CD70: variants seen among roughly 807,000 people sequenced by gnomAD.
The protein encoded by CD70 is CD70 molecule, also known as CD70 antigen.
A neutral mutation model predicts 9.0 loss-of-function variants in CD70; 6 were observed. The observed-to-expected ratio is 0.67, with a 90% CI of 0.37 to 1.32. The LOEUF (loss-of-function observed/expected upper bound fraction) is 1.32. CD70 is among the 40% of genes most tolerant of loss of function. The probability of loss-of-function intolerance (pLI) is 0.02; values close to 1 mark genes in which losing one functional copy is unlikely to be tolerated. For synonymous variants in CD70, 108 were observed against 112.3 expected (o/e 0.96, Z 0.24); for missense variants, 235 against 258.7 (o/e 0.91, Z 0.63).
At chr19:6,589,093 G>T (rs112208858) in intron 2 of CD70, among the ~76,000 whole-genome samples, 104 of 150,568 alleles carry the variant, frequency 6.9e-4, no homozygotes, top group African/African-American at 2.5e-3. Context: ...AAACCTGCTC[G>T]CTCTCTCTCT....
intron 2 of CD70, 66 bp from the exon 3 acceptor site, chr19:6,586,471 T>G: frequency 6.8e-7 from 1 of 1,479,026 alleles, no homozygotes; most frequent in Non-Finnish European, 9.1e-7. Flanking sequence ...CAGGGGGTCA[T>G]AGAGAAAGTC....
At chr19:6,583,069 G>T, downstream of CD70, 1 of 374,956 alleles carries the variant, frequency 2.7e-6, no homozygotes. Context: ...TGGCGCATGG[G>T]TCTCATTTTC....
At chr19:6,589,852 C>T (rs1916114760) in intron 2 of CD70, among the ~76,000 whole-genome samples, 1 of 150,984 alleles carries the variant, frequency 6.6e-6, no homozygotes, top group East Asian at 1.9e-4. Flanking sequence ...TCTCCTGTCC[C>T]GTCTGTCCCC....
Position 6,590,472 on chromosome 19 carries a change from T to G in CD70, c.163-336A>C, listed in dbSNP as rs1429766120. Among the ~76,000 whole-genome samples, 1 of 151,910 alleles carries G rather than the reference T, an allele frequency of 6.6e-6. No individual in the cohort carries two copies. The highest frequency in any genetic ancestry group is 1.5e-5 in the Non-Finnish European group (1 of 67,954). On this transcript the variant is annotated intron_variant, in intron 1 of 2. Transcript: ENST00000245903. This position sits in a 1 kb window ranked among gnomAD's most constrained non-coding sequence, Gnocchi z 5.3. ...CCGGCGCGGTCCCCAAAGGGACCCC[T>G]CCCCCACCCGGAGCGAGTGGCTGGG... is the stretch of plus-strand genomic sequence containing the variant.
At chr19:6,583,682 C>G (rs1915961552), downstream of CD70, among the ~76,000 whole-genome samples, 1 of 151,602 alleles carries the variant, frequency 6.6e-6, no homozygotes, top group Admixed American at 6.6e-5. Context: ...TCTCAGCCTC[C>G]CTAGTAGCAT....
At chr19:6,587,248 G>A (rs553522685) in intron 2 of CD70, among the ~76,000 whole-genome samples, 78 of 150,020 alleles carry the variant, frequency 5.2e-4, no homozygotes, top group Non-Finnish European at 9.9e-4. Context: ...GAGAGCTTGA[G>A]GGAGAGTGCA....
chr19:6,585,744 G>A (rs528795561), downstream of CD70: 367 of 326,244 alleles, frequency 1.1e-3, no homozygotes, highest in Non-Finnish European at 1.7e-3. Context: ...GCGCAATCTC[G>A]GCTCACTGCA....
At chr19:6,587,995 G>C (rs1324089653) in intron 2 of CD70, among the ~76,000 whole-genome samples, 1 of 152,138 alleles carries the variant, frequency 6.6e-6, no homozygotes. Context: ...ATCACAGCCG[G>C]GAGCCAAGGT....
intron 2 of CD70, among the ~76,000 whole-genome samples, chr19:6,588,314 T>TGTGG (rs1916074413): frequency 2.0e-5 from 3 of 151,634 alleles, no homozygotes; most frequent in Non-Finnish European, 4.4e-5. Flanking sequence ...GCCCCATCGA[T>TGTGG]GTGGGGCTGG....
chr19:6,591,065 A>G lies in CD70; in HGVS notation c.-63T>C. ...ATGGGGGCGCGGAGCGCTGCCGAGAAGGAAGGAAGGAAACTGCAGCCCCCT... is the reference window on the plus strand; with the variant it reads ...ATGGGGGCGCGGAGCGCTGCCGAGAGGGAAGGAAGGAAACTGCAGCCCCCT... On this transcript the variant is annotated 5_prime_UTR_variant, in exon 1 of 3. Coordinates refer to ENST00000245903, the MANE Select transcript of CD70 (RefSeq NM_001252.5). 1.3e-6 allele frequency: 2 copies of G among 1,506,970 alleles called. No homozygotes were observed. The highest frequency in any genetic ancestry group is 2.6e-5 in the South Asian group (2 of 75,796). The allele number at this position is 1,506,970 out of a possible 1,614,324, so 93.3% of individuals were successfully genotyped here. A position where few individuals can be genotyped will look rare whatever the true frequency, so the allele number is the denominator to read the frequency against.
Position 6,590,986 on chromosome 19 carries a change from G to C in CD70, c.17C>G (p.Ser6Trp). Residue 6 changes from serine (S) to tryptophan (W), a missense_variant, in exon 1 of 3, where the codon TCG becomes TGG. Coordinates refer to ENST00000245903, the MANE Select transcript of CD70 (RefSeq NM_001252.5). This position sits in a 1 kb window ranked among gnomAD's most constrained non-coding sequence, Gnocchi z 5.3. The stretch of plus-strand genomic sequence containing the variant: ...GGGCCTGCGCCGCACCGAGCAGCCC[G>C]AACCCTCCTCCGGCATCGCCGCGGC... Reference protein sequence around the residue: MPEEGSGCSVRRRPYG... With the variant: MPEEGWGCSVRRRPYG... 1 of 1,603,490 alleles carries C rather than the reference G, an allele frequency of 6.2e-7. No individual in the cohort carries two copies. The highest frequency in any genetic ancestry group is 1.1e-5 in the South Asian group (1 of 90,134).
intron 2 of CD70, among the ~76,000 whole-genome samples, chr19:6,586,919 A>C (rs1486648419): frequency 1.3e-5 from 2 of 150,878 alleles, no homozygotes; most frequent in East Asian, 4.0e-4. Flanking sequence ...AAAAAAAAAA[A>C]AAACAGAAAC....
At chr19:6,585,814 A>G, downstream of CD70, 1 of 506,460 alleles carries the variant, frequency 2.0e-6, no homozygotes, top group Non-Finnish European at 3.5e-6. Flanking sequence ...AGCTGGGATT[A>G]CAGATGCACG....
At position 6,585,994 on chromosome 19, in the gene CD70, T is replaced by TA. The variant is rs747335292; in HGVS notation, c.*25dup. ...AACTTAAATAAAATAAAATAAAATT[T>TA]AAAAAACCCTAATCAGCAGCAGTGG... On this transcript the variant is annotated 3_prime_UTR_variant, in exon 3 of 3. Transcript: ENST00000245903. The TA allele has an allele frequency of 6.6e-7, 1 of 1,518,920 alleles. No individual in the cohort carries two copies. The highest frequency in any genetic ancestry group is 1.4e-5 in the African/African-American group (1 of 70,988). 94.1% of individuals were successfully genotyped at this position (1,518,920 alleles called of 1,614,324 possible).
chr19:6,587,447 A>C (rs1463107706), intron 2 of CD70, among the ~76,000 whole-genome samples: 2 of 151,866 alleles, frequency 1.3e-5, no homozygotes, highest in Non-Finnish European at 2.9e-5. Context: ...GATGAGAGCT[A>C]CAGAGCTCGA....
chr19:6,590,734 C>T lies in CD70; in HGVS notation c.162+107G>A. ...CGCCTCCCTGTTCTGGTCTCTGTCT[C>T]TGCCCTACCAGATCTTCCTCTCTGG... On this transcript the variant is annotated intron_variant, in intron 1 of 2. Coordinates refer to ENST00000245903, the MANE Select transcript of CD70 (RefSeq NM_001252.5). The surrounding 1 kb of genome is among the most constrained non-coding windows in gnomAD (Gnocchi z 5.3). The T allele has an allele frequency of 9.4e-7, 1 of 1,062,010 alleles. No homozygotes were observed. Among genetic ancestry groups the T allele is most frequent in the Non-Finnish European group, 1.4e-6 (1 of 711,242 alleles). The allele number at this position is 1,062,010 out of a possible 1,614,324, so 65.8% of individuals were successfully genotyped here. A position where few individuals can be genotyped will look rare whatever the true frequency, so the allele number is the denominator to read the frequency against.
In CD70 at chr19:6,588,507, G is replaced by C. The variant is rs1412453446; in HGVS notation, c.196+1596C>G. On this transcript the variant is annotated intron_variant, in intron 2 of 2. Transcript: ENST00000245903. ...AAGCGTGCAGTAATTTTAGTCTCTG[G>C]GGATGAACCGTGGAAAAACAGAAGA... Among the ~76,000 whole-genome samples, 3 of 152,296 alleles carry C rather than the reference G, an allele frequency of 2.0e-5. No homozygotes were observed. In the East Asian group the frequency reaches 5.8e-4, roughly 29 times the overall value.
In CD70 at chr19:6,586,186, C is replaced by T; in HGVS notation, c.416G>A (p.Ser139Asn). Reference sequence around the variant, plus strand: ...GAAGCTGAGACGCAGCAGGCTGATGCTACGGGAGGCGGGAGAGCAGATTCC... The same window carrying T: ...GAAGCTGAGACGCAGCAGGCTGATGTTACGGGAGGCGGGAGAGCAGATTCC... ...AVGICSPASR[S>N]ISLLRLSFHQ... Residue 139 changes from serine to asparagine, a missense_variant, in exon 3 of 3, where the codon AGC becomes AAC. Coordinates refer to ENST00000245903, the MANE Select transcript of CD70 (RefSeq NM_001252.5). 6.2e-7 allele frequency: 1 copy of T among 1,614,118 alleles called. No individual in the cohort carries two copies. The highest frequency in any genetic ancestry group is 1.3e-5 in the African/African-American group (1 of 75,036).
At position 6,588,954 on chromosome 19, in the gene CD70, G is replaced by A. The variant is rs1465435220; in HGVS notation, c.196+1149C>T. 2.0e-5 allele frequency among the ~76,000 whole-genome samples: 3 copies of A among 152,184 alleles called. No homozygotes were observed. The East Asian group carries it at 5.8e-4, about 29-fold the overall frequency. ...AATTAGTGCTTGTAGCATGAATGGAGGAAGGGTAGCCTTTCCTGTGAGCGT... is the reference window on the plus strand; with the variant it reads ...AATTAGTGCTTGTAGCATGAATGGAAGAAGGGTAGCCTTTCCTGTGAGCGT... On this transcript the variant is annotated intron_variant, in intron 2 of 2. Coordinates refer to ENST00000245903, the MANE Select transcript of CD70 (RefSeq NM_001252.5).
Sources: allele counts gnomAD v4.1 joint callset (sites outside exome capture counted in the v4.1 genomes callset), GRCh38; gene constraint gnomAD v4.1.1; non-coding constraint Gnocchi (gnomAD v3.1); transcripts MANE v1.5; gene names NCBI Gene and HGNC (gene_info 2026-07-23, HGNC 2026-07-21).